OPRM1: variants seen among roughly 807,000 people sequenced by gnomAD.
The protein encoded by OPRM1 is opioid receptor mu 1.
In OPRM1, 27 loss-of-function variants were observed where a neutral mutation model predicts 31.8. The observed-to-expected ratio is 0.85, with a 90% CI of 0.63 to 1.17. The LOEUF (loss-of-function observed/expected upper bound fraction) is 1.17. OPRM1 is among the 50% of genes most tolerant of loss of function. The probability of loss-of-function intolerance (pLI) is 0.00; values close to 1 mark genes in which losing one functional copy is unlikely to be tolerated. For missense variants in OPRM1, 536 were observed against 511.1 expected (o/e 1.05, Z -0.47); for synonymous variants, 196 against 189.9 (o/e 1.03, Z -0.26).
At position 154,129,872 on chromosome 6, in the gene OPRM1, A is replaced by G. The variant is rs1342419979; in HGVS notation, c.*11151A>G. ...CCCCAGCACACACACACACACACAC[A>G]CACACACACACACAACATAGTGAAA... On this transcript the variant is annotated 3_prime_UTR_variant, in exon 4 of 4. Coordinates refer to ENST00000330432, the MANE Select transcript of OPRM1 (RefSeq NM_000914.5). Among the ~76,000 whole-genome samples the G allele has an allele frequency of 6.6e-6, 1 of 151,464 alleles. No individual in the cohort carries two copies. Among genetic ancestry groups the G allele is most frequent in the Non-Finnish European group, 1.5e-5 (1 of 67,918 alleles).
At chr6:154,080,451 G>A (rs897120934) in intron 1 of OPRM1, among the ~76,000 whole-genome samples, 1 of 152,202 alleles carries the variant, frequency 6.6e-6, no homozygotes, top group Non-Finnish European at 1.5e-5. Context: ...AAAAATGTGT[G>A]TACGATGATT....
chr6:154,220,937 A>G (rs769467039), intron 3 of OPRM1, among the ~76,000 whole-genome samples: 3 of 152,246 alleles, frequency 2.0e-5, no homozygotes, highest in Non-Finnish European at 4.4e-5. Flanking sequence ...AAGCTGCAAG[A>G]TCAGTTACAT....
chr6:154,033,543 G>A (rs1348476861), intron 1 of OPRM1, among the ~76,000 whole-genome samples: 3 of 152,214 alleles, frequency 2.0e-5, no homozygotes, highest in Non-Finnish European at 4.4e-5. Flanking sequence ...GGGAGGATGA[G>A]AGAAAGAATC....
At chr6:154,219,671 A>G (rs1490328141) in intron 3 of OPRM1, among the ~76,000 whole-genome samples, 1 of 152,168 alleles carries the variant, frequency 6.6e-6, no homozygotes, top group Non-Finnish European at 1.5e-5. Flanking sequence ...TTTGATGTGG[A>G]GATTTTAACA....
intron 3 of OPRM1, among the ~76,000 whole-genome samples, chr6:154,112,004 A>G (rs1410180341): frequency 3.9e-5 from 6 of 152,118 alleles, no homozygotes; most frequent in Non-Finnish European, 7.4e-5. Flanking sequence ...TGACCTTGTG[A>G]TCCGCCCGCC....
intron 1 of OPRM1, among the ~76,000 whole-genome samples, chr6:154,066,954 G>A (rs1427868683): frequency 6.6e-6 from 1 of 151,994 alleles, no homozygotes; most frequent in Non-Finnish European, 1.5e-5. Flanking sequence ...CAATTTGTTG[G>A]CATATAATTT....
At chr6:154,160,539 A>T (rs1798926282) in intron 3 of OPRM1, among the ~76,000 whole-genome samples, 1 of 152,178 alleles carries the variant, frequency 6.6e-6, no homozygotes, top group Non-Finnish European at 1.5e-5. Flanking sequence ...GAATAAATAC[A>T]CAGATTATCT....
At chr6:154,038,642 CATT>C (rs1293601058), upstream of OPRM1, among the ~76,000 whole-genome samples, 4 of 152,280 alleles carry the variant, frequency 2.6e-5, no homozygotes, top group Non-Finnish European at 4.4e-5. Context: ...GAAAGATCAA[CATT>C]ATCTTTAGTT....
At chr6:154,159,513 T>C (rs981373073) in intron 3 of OPRM1, 1 of 330,162 alleles carries the variant, frequency 3.0e-6, no homozygotes, top group Non-Finnish European at 5.5e-6. Flanking sequence ...TAGCATTCTC[T>C]GGAGAGCAAT....
chr6:154,086,805 C>T, intron 1 of OPRM1: 1 of 985,322 alleles, frequency 1.0e-6, no homozygotes, highest in Non-Finnish European at 1.2e-6. Flanking sequence ...TGAAGCATGT[C>T]TTTAGATCAT....
intron 3 of OPRM1, among the ~76,000 whole-genome samples, chr6:154,148,297 G>C (rs1798408590): frequency 6.6e-6 from 1 of 152,224 alleles, no homozygotes; most frequent in Non-Finnish European, 1.5e-5. Context: ...CTTTTTCCCA[G>C]ATGGAAGGGG....
intron 1 of OPRM1, among the ~76,000 whole-genome samples, chr6:154,043,912 C>T (rs777770424): frequency 6.6e-6 from 1 of 152,112 alleles, no homozygotes; most frequent in Non-Finnish European, 1.5e-5. Flanking sequence ...CTTCTAAACA[C>T]ACTAAATTGC....
At chr6:154,026,628 A>G (rs1243414503) in intron 1 of OPRM1, among the ~76,000 whole-genome samples, 2 of 151,808 alleles carry the variant, frequency 1.3e-5, no homozygotes, top group African/African-American at 4.8e-5. Context: ...TCTTTGTTTC[A>G]TTGTTTTTTA....
At chr6:154,088,644 G>A (rs990955540) in intron 1 of OPRM1, among the ~76,000 whole-genome samples, 7 of 152,208 alleles carry the variant, frequency 4.6e-5, no homozygotes, top group East Asian at 1.9e-4. Flanking sequence ...GTGTACACAC[G>A]TATCAAAGCT....
At chr6:154,227,196 T>G (rs1026131916) in intron 3 of OPRM1, among the ~76,000 whole-genome samples, 1 of 151,376 alleles carries the variant, frequency 6.6e-6, no homozygotes, top group African/African-American at 2.4e-5. Flanking sequence ...AGAGCAAGAT[T>G]CTGTCTCAAA....
intron 3 of OPRM1, among the ~76,000 whole-genome samples, chr6:154,239,986 G>C (rs1780451066): frequency 6.6e-6 from 1 of 152,230 alleles, no homozygotes; most frequent in Non-Finnish European, 1.5e-5. Flanking sequence ...ACAGGCGTGA[G>C]CCACAGCACC....
intron 3 of OPRM1, among the ~76,000 whole-genome samples, chr6:154,166,272 C>G (rs968367442): frequency 6.6e-6 from 1 of 152,204 alleles, no homozygotes; most frequent in African/African-American, 2.4e-5. Context: ...TAATTCTTTT[C>G]ACAAAGTTGG....
chr6:154,119,333 C>T lies in OPRM1; in HGVS notation c.*612C>T, dbSNP rs1797179331. 1.3e-5 allele frequency: 13 copies of T among 985,282 alleles called. No homozygotes were observed. Among genetic ancestry groups the T allele is most frequent in the Non-Finnish European group, 1.4e-5 (12 of 829,816 alleles). The allele number at this position is 985,282 out of a possible 1,614,324, so 61.0% of individuals were successfully genotyped here. A position where few individuals can be genotyped will look rare whatever the true frequency, so the allele number is the denominator to read the frequency against. ...CCATAATTGCAAGGGAAGAGATTAG[C>T]ATGAAAGGTAATCTGAAACACAGTC... is the stretch of plus-strand genomic sequence containing the variant. On this transcript the variant is annotated 3_prime_UTR_variant, in exon 4 of 4. Transcript: ENST00000330432.
intron 3 of OPRM1, among the ~76,000 whole-genome samples, chr6:154,215,589 A>G (rs571297506): frequency 2.0e-5 from 3 of 152,148 alleles, no homozygotes; most frequent in Non-Finnish European, 4.4e-5. Context: ...CTGGGCAACA[A>G]GAGCGAAACT....
Sources: allele counts gnomAD v4.1 joint callset (sites outside exome capture counted in the v4.1 genomes callset), GRCh38; gene constraint gnomAD v4.1.1; transcripts MANE v1.5; gene names NCBI Gene and HGNC (gene_info 2026-07-23, HGNC 2026-07-21).